Variants in KCNIP4 observed in about 807,000 individuals in gnomAD.
KCNIP4 encodes potassium voltage-gated channel interacting protein 4.
A neutral mutation model predicts 34.0 loss-of-function variants in KCNIP4; 12 were observed. The observed-to-expected ratio is 0.35, with a 90% CI of 0.23 to 0.57. KCNIP4 has a LOEUF of 0.57. Ranked by LOEUF, KCNIP4 falls within the 20% of genes least tolerant of loss-of-function variation. The pLI is 0.83. For missense variants in KCNIP4, 238 were observed against 311.7 expected (o/e 0.76, Z 1.78); for synonymous variants, 124 against 102.2 (o/e 1.21, Z -1.29).
chr4:21,325,305 G>A (rs1329767139), intron 1 of KCNIP4, among the ~76,000 whole-genome samples: 1 of 151,394 alleles, frequency 6.6e-6, no homozygotes, highest in East Asian at 1.9e-4. Context: ...TAAGGTTTTG[G>A]GTTTCTTTGT....
At chr4:21,535,962 C>T (rs889123176) in intron 1 of KCNIP4, among the ~76,000 whole-genome samples, 1 of 152,082 alleles carries the variant, frequency 6.6e-6, no homozygotes, top group Non-Finnish European at 1.5e-5. Context: ...TGGTATATCT[C>T]ACCTTCTATC....
intron 1 of KCNIP4, among the ~76,000 whole-genome samples, chr4:21,210,035 G>C (rs532487951): frequency 2.3e-4 from 35 of 152,224 alleles, no homozygotes; most frequent in African/African-American, 7.5e-4. Flanking sequence ...CAAGTGTGTT[G>C]CTCTAGGAGA....
intron 1 of KCNIP4, among the ~76,000 whole-genome samples, chr4:21,687,316 TAAA>T (rs71191535): frequency 8.3e-6 from 1 of 121,130 alleles, no homozygotes; most frequent in Admixed American, 8.6e-5. Flanking sequence ...ACTTAAAGTA[TAAA>T]AAAAAAAAAA....
intron 1 of KCNIP4, among the ~76,000 whole-genome samples, chr4:21,785,065 G>A (rs35519954): frequency 0.34 from 52,165 of 151,990 alleles, 11,144 homozygotes; most frequent in Non-Finnish European, 0.49. Flanking sequence ...ACGTACAGCA[G>A]TAAAGATTGG....
At chr4:21,086,205 T>C (rs1746415610) in intron 1 of KCNIP4, among the ~76,000 whole-genome samples, 1 of 152,176 alleles carries the variant, frequency 6.6e-6, no homozygotes, top group South Asian at 2.1e-4. Context: ...GTGAAAATTA[T>C]TTCAGTCTCA....
intron 1 of KCNIP4, among the ~76,000 whole-genome samples, chr4:21,378,254 C>A (rs142511813): frequency 4.3e-4 from 66 of 152,278 alleles, no homozygotes; most frequent in African/African-American, 1.5e-3. Flanking sequence ...TTCAAGCTTT[C>A]ATATATTTCA....
chr4:20,761,243 T>C (rs1474879366), intron 3 of KCNIP4, among the ~76,000 whole-genome samples: 1 of 152,178 alleles, frequency 6.6e-6, no homozygotes, highest in Non-Finnish European at 1.5e-5. Context: ...TCATTAGATA[T>C]CAAGCTGGCC....
At chr4:20,980,283 G>A (rs1035765006) in intron 1 of KCNIP4, among the ~76,000 whole-genome samples, 3 of 152,148 alleles carry the variant, frequency 2.0e-5, no homozygotes, top group East Asian at 1.9e-4. Context: ...CCCTGCACAC[G>A]TTAGAATTCA....
chr4:20,858,252 A>G, intron 2 of KCNIP4, among the ~76,000 whole-genome samples: 1 of 147,360 alleles, frequency 6.8e-6, no homozygotes, highest in East Asian at 2.1e-4. Flanking sequence ...AGAGGAAGAC[A>G]CGAGGAATGT....
chr4:21,027,635 C>G (rs772812346), intron 1 of KCNIP4, among the ~76,000 whole-genome samples: 1 of 150,536 alleles, frequency 6.6e-6, no homozygotes, highest in Non-Finnish European at 1.5e-5. Flanking sequence ...TTGTCTTTGT[C>G]ACCAAATCAT....
rs1333334054 is a variant in KCNIP4 at position 20,850,689 on chromosome 4, A to C, written c.164-22T>G. The C allele has an allele frequency of 1.9e-6, 3 of 1,609,960 alleles. No individual in the cohort carries two copies. The Admixed American group carries it at 5.0e-5, about 27-fold the overall frequency. Reference sequence around the variant, plus strand: ...CTGTCTGTGGAGGAAAACAAGAAAGAGTCTTAGGACCAGCCACTGCTCACC... The same window carrying C: ...CTGTCTGTGGAGGAAAACAAGAAAGCGTCTTAGGACCAGCCACTGCTCACC... On this transcript the variant is annotated intron_variant, in intron 2 of 8. Coordinates refer to ENST00000382152, the MANE Select transcript of KCNIP4 (RefSeq NM_025221.6).
intron 1 of KCNIP4, among the ~76,000 whole-genome samples, chr4:20,959,602 C>T (rs16870274): frequency 0.022 from 3,316 of 152,308 alleles, 101 homozygotes; most frequent in African/African-American, 0.068. Flanking sequence ...CACACTCACT[C>T]TCTCTCTGAT....
At chr4:21,201,764 C>G (rs1756515387) in intron 1 of KCNIP4, among the ~76,000 whole-genome samples, 2 of 152,198 alleles carry the variant, frequency 1.3e-5, no homozygotes, top group African/African-American at 2.4e-5. Flanking sequence ...TCCCAAAATG[C>G]TGGGATTATA....
intron 1 of KCNIP4, among the ~76,000 whole-genome samples, chr4:21,430,511 A>G (rs1025947185): frequency 1.3e-5 from 2 of 152,058 alleles, no homozygotes; most frequent in Admixed American, 6.6e-5. Context: ...AGAATCCTCA[A>G]TTACATCAAC....
intron 1 of KCNIP4, among the ~76,000 whole-genome samples, chr4:20,927,226 C>T (rs748112794): frequency 6.6e-6 from 1 of 152,182 alleles, no homozygotes; most frequent in Non-Finnish European, 1.5e-5. Flanking sequence ...ATCTGCCCAC[C>T]TTGGCCTCCC....
chr4:21,544,937 T>A (rs1738012242), intron 1 of KCNIP4, among the ~76,000 whole-genome samples: 1 of 152,220 alleles, frequency 6.6e-6, no homozygotes, highest in East Asian at 1.9e-4. Flanking sequence ...GCATTTGAAC[T>A]AGAACGACTC....
intron 1 of KCNIP4, among the ~76,000 whole-genome samples, chr4:21,636,461 G>A (rs1180330049): frequency 2.6e-5 from 4 of 152,114 alleles, no homozygotes; most frequent in African/African-American, 9.7e-5. Context: ...GTTTTCCTAT[G>A]TGAAGAGCTG....
At chr4:21,897,448 A>T (rs908370728) in intron 1 of KCNIP4, among the ~76,000 whole-genome samples, 5 of 152,174 alleles carry the variant, frequency 3.3e-5, no homozygotes, top group African/African-American at 1.2e-4. Flanking sequence ...CGAAGAGTAA[A>T]TAGATTTATG....
In KCNIP4 at chr4:21,214,430, T is replaced by C. The variant is rs190426018; in HGVS notation, c.62-331721A>G. The stretch of plus-strand genomic sequence containing the variant: ...CTCTTTCATTAGGCTGACTTCCCCG[T>C]CAAAAAAAATTCTGCCTTATGAAAT... On this transcript the variant is annotated intron_variant, in intron 1 of 8. Coordinates refer to ENST00000382152, the MANE Select transcript of KCNIP4 (RefSeq NM_025221.6). Among the ~76,000 whole-genome samples, 660 of 152,244 alleles carry C rather than the reference T, an allele frequency of 4.3e-3. 3 individuals carry two copies. Among genetic ancestry groups the C allele is most frequent in the Non-Finnish European group, 6.5e-3 (443 of 68,010 alleles).
Sources: allele counts gnomAD v4.1 joint callset (sites outside exome capture counted in the v4.1 genomes callset), GRCh38; gene constraint gnomAD v4.1.1; transcripts MANE v1.5; gene names NCBI Gene and HGNC (gene_info 2026-07-23, HGNC 2026-07-21).